Variants in RNGTT observed in about 807,000 individuals in gnomAD.
The protein encoded by RNGTT is mRNA-capping enzyme.
In RNGTT, 33 loss-of-function variants were observed where a neutral mutation model predicts 79.3. The observed-to-expected ratio is 0.42, with a 90% CI of 0.32 to 0.56. The LOEUF is 0.56. RNGTT is among the 20% of genes least tolerant of loss of function. The pLI is 0.17. For synonymous variants in RNGTT, 222 were observed against 235.9 expected (o/e 0.94, Z 0.54); for missense variants, 497 against 739.1 (o/e 0.67, Z 3.80).
intron 11 of RNGTT, among the ~76,000 whole-genome samples, chr6:88,835,259 T>C (rs1781024408): frequency 6.6e-6 from 1 of 152,124 alleles, no homozygotes; most frequent in Non-Finnish European, 1.5e-5. Flanking sequence ...GGGACTTGCT[T>C]ATTTTTTTTA....
At chr6:88,810,722 A>C (rs1780111030) in intron 11 of RNGTT, among the ~76,000 whole-genome samples, 1 of 152,214 alleles carries the variant, frequency 6.6e-6, no homozygotes, top group African/African-American at 2.4e-5. Context: ...CCTTTTCTAT[A>C]TATAAAGTAA....
At chr6:88,946,697 C>T (rs987800965) in intron 1 of RNGTT, among the ~76,000 whole-genome samples, 1 of 151,936 alleles carries the variant, frequency 6.6e-6, no homozygotes, top group Admixed American at 6.5e-5. Context: ...GTCTCCCTCT[C>T]ATGCGGAGCC....
intron 14 of RNGTT, among the ~76,000 whole-genome samples, chr6:88,654,441 T>G (rs1415221381): frequency 1.3e-5 from 2 of 152,184 alleles, no homozygotes; most frequent in Non-Finnish European, 2.9e-5. Context: ...TTTATTTCTT[T>G]CTCTATCCTC....
intron 11 of RNGTT, among the ~76,000 whole-genome samples, chr6:88,841,788 G>A (rs1184343429): frequency 6.6e-6 from 1 of 152,182 alleles, no homozygotes; most frequent in Non-Finnish European, 1.5e-5. Flanking sequence ...ACCTGATTCT[G>A]GAATATGACA....
At chr6:88,822,201 A>G (rs961875966) in intron 11 of RNGTT, among the ~76,000 whole-genome samples, 1 of 152,218 alleles carries the variant, frequency 6.6e-6, no homozygotes, top group South Asian at 2.1e-4. Context: ...TAGAGATTTT[A>G]GTGGGCTCAG....
chr6:88,954,192 C>T (rs1785349573), intron 1 of RNGTT, among the ~76,000 whole-genome samples: 1 of 152,220 alleles, frequency 6.6e-6, no homozygotes, highest in African/African-American at 2.4e-5. Flanking sequence ...CACAGAATGG[C>T]AGAATGGATA....
intron 12 of RNGTT, among the ~76,000 whole-genome samples, chr6:88,800,152 C>T (rs1490799391): frequency 6.6e-6 from 1 of 152,118 alleles, no homozygotes; most frequent in Non-Finnish European, 1.5e-5. Context: ...TTATTACACA[C>T]GTAAAGATAT....
intron 13 of RNGTT, among the ~76,000 whole-genome samples, chr6:88,758,170 A>G (rs1778083320): frequency 6.6e-6 from 1 of 152,186 alleles, no homozygotes; most frequent in Admixed American, 6.5e-5. Flanking sequence ...CGTAAGAGAG[A>G]GAAAAACAAA....
At chr6:88,664,109 C>T (rs1021765288) in intron 14 of RNGTT, among the ~76,000 whole-genome samples, 8 of 152,072 alleles carry the variant, frequency 5.3e-5, no homozygotes, top group Non-Finnish European at 1.0e-4. Context: ...GATCCAGCTA[C>T]CAGGAACTGA....
intron 4 of RNGTT, among the ~76,000 whole-genome samples, chr6:88,925,139 T>C (rs1435526357): frequency 3.9e-5 from 6 of 152,100 alleles, no homozygotes; most frequent in Admixed American, 2.6e-4. Context: ...AAACCTGGCT[T>C]ATCCTTGTTA....
At chr6:88,619,079 G>A (rs1056340912) in intron 14 of RNGTT, among the ~76,000 whole-genome samples, 1 of 151,950 alleles carries the variant, frequency 6.6e-6, no homozygotes, top group Non-Finnish European at 1.5e-5. Flanking sequence ...AATTGTTCTA[G>A]TTTTGGCCAC....
intron 11 of RNGTT, among the ~76,000 whole-genome samples, chr6:88,820,747 C>A (rs183738240): frequency 7.1e-4 from 108 of 152,192 alleles, no homozygotes; most frequent in South Asian, 1.9e-3. Flanking sequence ...GATAACATAA[C>A]AACTACATAT....
intron 1 of RNGTT, among the ~76,000 whole-genome samples, chr6:88,959,127 G>A (rs1240523430): frequency 6.6e-6 from 1 of 152,002 alleles, no homozygotes; most frequent in Non-Finnish European, 1.5e-5. Context: ...CAAATATCCT[G>A]TGTTCTCACT....
chr6:88,880,913 A>G (rs943730071), intron 8 of RNGTT, among the ~76,000 whole-genome samples: 2 of 152,184 alleles, frequency 1.3e-5, no homozygotes, highest in Non-Finnish European at 2.9e-5. Context: ...CTATTATAAA[A>G]TTCTATCTTT....
intron 13 of RNGTT, among the ~76,000 whole-genome samples, chr6:88,720,502 CT>C (rs1776672546): frequency 6.6e-6 from 1 of 152,056 alleles, no homozygotes; most frequent in African/African-American, 2.4e-5. Flanking sequence ...CATCCAAACC[CT>C]GGACTTAATT....
chr6:88,677,549 C>T (rs1317573025), intron 14 of RNGTT, among the ~76,000 whole-genome samples: 1 of 152,146 alleles, frequency 6.6e-6, no homozygotes, highest in Non-Finnish European at 1.5e-5. Flanking sequence ...TCACTGCAAC[C>T]TTGACCTCCC....
intron 13 of RNGTT, among the ~76,000 whole-genome samples, chr6:88,698,282 C>CATAT (rs775896582): frequency 2.1e-5 from 2 of 93,066 alleles, no homozygotes; most frequent in African/African-American, 5.7e-5. Flanking sequence ...ATATATATTT[C>CATAT]ATATATATCA....
intron 13 of RNGTT, among the ~76,000 whole-genome samples, chr6:88,734,303 A>T (rs1005372366): frequency 3.3e-5 from 5 of 151,930 alleles, no homozygotes; most frequent in Non-Finnish European, 7.4e-5. Context: ...ACAACCACTT[A>T]AAAAAAACTG....
intron 14 of RNGTT, among the ~76,000 whole-genome samples, chr6:88,672,010 T>G (rs1418695805): frequency 6.6e-6 from 1 of 151,962 alleles, no homozygotes; most frequent in East Asian, 1.9e-4. Context: ...ATAAACATTC[T>G]AAAAAATAAC....
Sources: gnomAD v4.1 joint callset for allele counts (sites outside exome capture counted in the v4.1 genomes callset) on GRCh38, gnomAD v4.1.1 for gene constraint, MANE v1.5 for transcripts, NCBI Gene and HGNC (gene_info 2026-07-23, HGNC 2026-07-21) for gene names.